Variants in KCND3 observed in about 807,000 individuals in gnomAD.
KCND3 encodes the protein potassium voltage-gated channel subfamily D member 3, also known as A-type voltage-gated potassium channel KCND3.
In KCND3, 9 loss-of-function variants were observed where a neutral mutation model predicts 51.1. The ratio of observed to expected loss-of-function variants is 0.18; its 90% CI spans 0.11 to 0.31. The LOEUF (loss-of-function observed/expected upper bound fraction) is 0.31, where lower values mean the gene tolerates loss of function less well. Ranked by LOEUF, KCND3 falls within the 10% of genes least tolerant of loss-of-function variation. The pLI is 1.00. For synonymous variants in KCND3, 349 were observed against 368.0 expected, an observed-to-expected ratio of 0.95 and a Z score of 0.59; for missense variants, 526 against 903.8, an observed-to-expected ratio of 0.58 and a Z score of 5.36.
chr1:111,874,718 A>T (rs1197860786), intron 2 of KCND3, among the ~76,000 whole-genome samples: 1 of 152,180 alleles, frequency 6.6e-6, no homozygotes, highest in Non-Finnish European at 1.5e-5. Context: ...AGCAAGATAA[A>T]ACCAACCCCC....
At chr1:111,939,370 C>A (rs1295853739) in intron 2 of KCND3, among the ~76,000 whole-genome samples, 1 of 152,102 alleles carries the variant, frequency 6.6e-6, no homozygotes, top group Non-Finnish European at 1.5e-5. Context: ...CTAATGCTAG[C>A]CCTTCTGTAG....
In KCND3 at chr1:111,780,976, C is replaced by G. The variant is rs1325881896; in HGVS notation, c.1270-185G>C. Among the ~76,000 whole-genome samples, 2 of 152,102 alleles carry G rather than the reference C, an allele frequency of 1.3e-5. No individual in the cohort carries two copies. Among genetic ancestry groups the G allele is most frequent in the Non-Finnish European group, 2.9e-5 (2 of 67,998 alleles). On this transcript the variant is annotated intron_variant, in intron 3 of 7. Coordinates refer to ENST00000302127, the MANE Select transcript of KCND3 (RefSeq NM_001378969.1). The surrounding 1 kb of genome is among the most constrained non-coding windows in gnomAD (Gnocchi z 4.2). ...GTATAGCTTGGTTGGGTCAGAATTC[C>G]CAGGAGTCTCCACTCATCTCTCCAG...
At chr1:111,800,935 T>C (rs998417365) in intron 2 of KCND3, among the ~76,000 whole-genome samples, 1 of 152,228 alleles carries the variant, frequency 6.6e-6, no homozygotes, top group African/African-American at 2.4e-5. Flanking sequence ...AATTTATCTC[T>C]CCAGGCCTTG....
chr1:111,873,802 C>T (rs773069944), intron 2 of KCND3, among the ~76,000 whole-genome samples: 1 of 151,904 alleles, frequency 6.6e-6, no homozygotes, highest in Non-Finnish European at 1.5e-5. Flanking sequence ...ATAGATTAGC[C>T]CCCTTGCCAC....
At chr1:111,903,690 C>T (rs1471749990) in intron 2 of KCND3, among the ~76,000 whole-genome samples, 1 of 152,258 alleles carries the variant, frequency 6.6e-6, no homozygotes, top group East Asian at 1.9e-4. Flanking sequence ...CACTGACTGG[C>T]TGGGAGGGGG....
chr1:111,939,364 T>C (rs1557732630), intron 2 of KCND3, among the ~76,000 whole-genome samples: 2 of 152,228 alleles, frequency 1.3e-5, no homozygotes, highest in Admixed American at 6.5e-5. Context: ...TTTCTCCTAA[T>C]GCTAGCCCTT....
intron 2 of KCND3, among the ~76,000 whole-genome samples, chr1:111,952,687 A>G (rs905373733): frequency 2.6e-5 from 4 of 152,186 alleles, no homozygotes; most frequent in Admixed American, 2.6e-4. Flanking sequence ...GAGATGCCGA[A>G]GGATGGACTT....
chr1:111,980,931 TCTCACAG>T (rs1674915602), intron 2 of KCND3, among the ~76,000 whole-genome samples: 1 of 152,104 alleles, frequency 6.6e-6, no homozygotes, highest in Admixed American at 6.5e-5. Flanking sequence ...ATTCAGACCA[TCTCACAG>T]TCACCCAGGT....
chr1:111,939,306 T>A (rs1042955911), intron 2 of KCND3, among the ~76,000 whole-genome samples: 2 of 152,072 alleles, frequency 1.3e-5, no homozygotes, highest in African/African-American at 4.8e-5. Context: ...GGTATACACA[T>A]GTCATGGTGG....
intron 2 of KCND3, among the ~76,000 whole-genome samples, chr1:111,929,850 T>A (rs367717993): frequency 6.6e-6 from 1 of 152,210 alleles, no homozygotes; most frequent in South Asian, 2.1e-4. Context: ...ACGGGCCCCA[T>A]CATGCTCCCC....
At chr1:111,987,979 T>C (rs1376915149) in intron 1 of KCND3, among the ~76,000 whole-genome samples, 2 of 152,192 alleles carry the variant, frequency 1.3e-5, no homozygotes, top group African/African-American at 2.4e-5. Context: ...AAACAGCTTC[T>C]ATTTTGGAGG....
chr1:111,983,932 T>C (rs948204147), intron 1 of KCND3, among the ~76,000 whole-genome samples: 29 of 152,214 alleles, frequency 1.9e-4, no homozygotes, highest in Non-Finnish European at 3.8e-4. Context: ...TTAAAGATGA[T>C]AGTGAAATCA....
chr1:111,788,791 T>C (rs1664713184), intron 2 of KCND3, among the ~76,000 whole-genome samples: 1 of 152,236 alleles, frequency 6.6e-6, no homozygotes, highest in Non-Finnish European at 1.5e-5. Context: ...AATAACCATA[T>C]GATCTTGGGG....
intron 2 of KCND3, among the ~76,000 whole-genome samples, chr1:111,960,477 C>A (rs1030296665): frequency 6.6e-6 from 1 of 152,228 alleles, no homozygotes; most frequent in Non-Finnish European, 1.5e-5. Flanking sequence ...CCAGCCAGGG[C>A]TGGTACCCCT....
chr1:111,969,968 GCTTT>G (rs1472920370), intron 2 of KCND3, among the ~76,000 whole-genome samples: 1 of 151,892 alleles, frequency 6.6e-6, no homozygotes, highest in Non-Finnish European at 1.5e-5. Context: ...CCTCTTACCA[GCTTT>G]CTCTCTTTTT....
At chr1:111,956,216 G>A (rs1673332494) in intron 2 of KCND3, among the ~76,000 whole-genome samples, 1 of 152,048 alleles carries the variant, frequency 6.6e-6, no homozygotes, top group South Asian at 2.1e-4. Flanking sequence ...GAGCTGAACT[G>A]TGAATCCCCC....
intron 2 of KCND3, among the ~76,000 whole-genome samples, chr1:111,851,326 G>A (rs938336422): frequency 2.0e-5 from 3 of 152,194 alleles, no homozygotes; most frequent in Admixed American, 6.5e-5. Context: ...TGTGGTAGGT[G>A]CTTGATAAAT....
chr1:111,817,156 A>G (rs1225377265), intron 2 of KCND3, among the ~76,000 whole-genome samples: 1 of 149,248 alleles, frequency 6.7e-6, no homozygotes, highest in Non-Finnish European at 1.5e-5. Context: ...TTGTGAACAC[A>G]TGGAAAAATA....
chr1:111,981,889 C>T lies in KCND3; in HGVS notation c.838G>A (p.Glu280Lys), dbSNP rs2101995916. The stretch of plus-strand genomic sequence containing the variant: ...GTGACGAAGGCGCCGGACACGTCCT[C>T]GTTGTTGGTCATGACCAGACCGATG... ...YYIGLVMTNN[E>K]DVSGAFVTLR... Residue 280 changes from glutamate to lysine, a missense_variant, in exon 2 of 8, where the codon GAG becomes AAG. Coordinates refer to ENST00000302127, the MANE Select transcript of KCND3 (RefSeq NM_001378969.1). The surrounding 1 kb of genome is among the most constrained non-coding windows in gnomAD (Gnocchi z 6.2). The T allele has an allele frequency of 6.2e-7, 1 of 1,614,084 alleles. No individual in the cohort carries two copies. The highest frequency in any genetic ancestry group is 8.5e-7 in the Non-Finnish European group (1 of 1,180,024).
Sources: gnomAD v4.1 joint callset for allele counts (sites outside exome capture counted in the v4.1 genomes callset) on GRCh38, gnomAD v4.1.1 for gene constraint, Gnocchi (gnomAD v3.1) non-coding constraint, MANE v1.5 for transcripts, NCBI Gene and HGNC (gene_info 2026-07-23, HGNC 2026-07-21) for gene names.